The following GFI1 variants were observed in gnomAD, a reference collection of about 807,000 sequenced individuals.
GFI1 encodes the protein growth factor independent 1 transcriptional repressor, also known as zinc finger protein Gfi-1.
Under a neutral mutation model 39.2 loss-of-function variants are expected in GFI1, and 15 were observed. That is an observed-to-expected ratio of 0.38 (90% CI 0.26 to 0.59). GFI1 has a LOEUF of 0.59. Ranked by LOEUF, GFI1 falls within the 20% of genes least tolerant of loss-of-function variation. The probability of loss-of-function intolerance (pLI) is 0.62; values close to 1 mark genes in which losing one functional copy is unlikely to be tolerated. For synonymous variants in GFI1, 239 were observed against 254.3 expected, an observed-to-expected ratio of 0.94 and a Z score of 0.57; for missense variants, 475 against 574.0, an observed-to-expected ratio of 0.83 and a Z score of 1.76.
chr1:92,482,819 G>C lies in GFI1; in HGVS notation c.298+45C>G. The C allele has an allele frequency of 6.7e-7, 1 of 1,503,710 alleles. No individual in the cohort carries two copies. Among genetic ancestry groups the C allele is most frequent in the Non-Finnish European group, 9.3e-7 (1 of 1,080,102 alleles). The allele number at this position is 1,503,710 out of a possible 1,614,324, so 93.1% of individuals were successfully genotyped here. A position where few individuals can be genotyped will look rare whatever the true frequency, so the allele number is the denominator to read the frequency against. ...GCGCCAATTCCCCCCCAGCACTGCC[G>C]GGTCCCTGCAGCTCCCGCCCAAGAG... On this transcript the variant is annotated intron_variant, in intron 3 of 6. Coordinates refer to ENST00000294702, the MANE Select transcript of GFI1 (RefSeq NM_005263.5). The surrounding 1 kb of genome is among the most constrained non-coding windows in gnomAD (Gnocchi z 4.4).
chr1:92,473,441 T>C lies in GFI1; in HGVS notation c.*2588A>G, dbSNP rs956697717. ...TTGTCATTTTCATTCACTGGGAGGATTGTCTCCCAGGACACTAGGAAGTGG... is the reference window on the plus strand; with the variant it reads ...TTGTCATTTTCATTCACTGGGAGGACTGTCTCCCAGGACACTAGGAAGTGG... On this transcript the variant is annotated 3_prime_UTR_variant, in exon 7 of 7. Transcript: ENST00000294702. Among the ~76,000 whole-genome samples the C allele has an allele frequency of 6.6e-6, 1 of 152,162 alleles. No individual in the cohort carries two copies. The highest frequency in any genetic ancestry group is 6.5e-5 in the Admixed American group (1 of 15,274).
chr1:92,479,397 G>GAGAT (rs1186832238), intron 5 of GFI1, among the ~76,000 whole-genome samples: 1 of 152,162 alleles, frequency 6.6e-6, no homozygotes, highest in African/African-American at 2.4e-5. Flanking sequence ...GCATTCTCCT[G>GAGAT]AGATAGCTAT....
rs984433112 is a variant in GFI1 at position 92,480,163 on chromosome 1, C to T, written c.924+185G>A. Among the ~76,000 whole-genome samples, 1 of 152,076 alleles carries T rather than the reference C, an allele frequency of 6.6e-6. No individual in the cohort carries two copies. Among genetic ancestry groups the T allele is most frequent in the African/African-American group, 2.4e-5 (1 of 41,412 alleles). ...ATCCAGGGCTGCCTCAAGGCCTGAGCCGGCCACAATCCTCCTTTCCCTACA... is the reference window on the plus strand; with the variant it reads ...ATCCAGGGCTGCCTCAAGGCCTGAGTCGGCCACAATCCTCCTTTCCCTACA... On this transcript the variant is annotated intron_variant, in intron 5 of 6. Transcript: ENST00000294702. This position sits in a 1 kb window ranked among gnomAD's most constrained non-coding sequence, Gnocchi z 5.6.
Position 92,475,956 on chromosome 1 carries a change from G to A in GFI1, c.*73C>T. The A allele has an allele frequency of 7.2e-7, 1 of 1,386,886 alleles. No homozygotes were observed. The highest frequency in any genetic ancestry group is 1.0e-6 in the Non-Finnish European group (1 of 986,932). 85.9% of individuals were successfully genotyped at this position (1,386,886 alleles called of 1,614,324 possible). ...AGAAGGGAGTGGAGGCAAGCAGGGA[G>A]CAGAGTGGTGGCAAGCAGGGAGGCT... On this transcript the variant is annotated 3_prime_UTR_variant, in exon 7 of 7. Coordinates refer to ENST00000294702, the MANE Select transcript of GFI1 (RefSeq NM_005263.5).
chr1:92,476,880 T>C (rs1658006083), intron 6 of GFI1, among the ~76,000 whole-genome samples: 1 of 152,232 alleles, frequency 6.6e-6, no homozygotes, highest in Non-Finnish European at 1.5e-5. Context: ...GCTGATACTT[T>C]ACTGTCTTGA....
rs762901224 is a variant in GFI1 at position 92,480,971 on chromosome 1, T to C, written c.416A>G (p.Tyr139Cys). The C allele has an allele frequency of 1.2e-6, 2 of 1,601,724 alleles. No homozygotes were observed. The highest frequency in any genetic ancestry group is 8.5e-7 in the Non-Finnish European group (1 of 1,174,886). The change falls in exon 4 of 7, where the codon TAC becomes TGC. Residue 139 changes from tyrosine (Y) to cysteine (C), a missense_variant. Tyr to Cys is a radical substitution (Grantham distance 194). Coordinates refer to ENST00000294702, the MANE Select transcript of GFI1 (RefSeq NM_005263.5). The surrounding 1 kb of genome is among the most constrained non-coding windows in gnomAD (Gnocchi z 5.6). Reference protein sequence around the residue: ...GSDLRHLVQSYRPCGALERGA... With the variant: ...GSDLRHLVQSCRPCGALERGA... ...ACGCTCCAGGGCCCCACACGGTCGG[T>C]AGCTCTGCACCAGGTGCCGCAGGTC...
Position 92,481,680 on chromosome 1 carries a change from G to A in GFI1, c.299-592C>T, listed in dbSNP as rs1658262340. Reference sequence around the variant, plus strand: ...GTATTAAGATTTCACGAAGTTAAGTGCCCAGTGTACGTAGCAAAGGAGCAG... The same window carrying A: ...GTATTAAGATTTCACGAAGTTAAGTACCCAGTGTACGTAGCAAAGGAGCAG... On this transcript the variant is annotated intron_variant, in intron 3 of 6. Coordinates refer to ENST00000294702, the MANE Select transcript of GFI1 (RefSeq NM_005263.5). This position sits in a 1 kb window ranked among gnomAD's most constrained non-coding sequence, Gnocchi z 4.3. Among the ~76,000 whole-genome samples the A allele has an allele frequency of 6.6e-6, 1 of 152,172 alleles. No homozygotes were observed. The highest frequency in any genetic ancestry group is 6.5e-5 in the Admixed American group (1 of 15,286).
At position 92,480,564 on chromosome 1, in the gene GFI1, C is replaced by T. The variant is rs557172855; in HGVS notation, c.786+37G>A. ...GCGAGGCGCGGGTAGGGGAAGCGGG[C>T]GCACGGCAGGCGAGGTGGTGAGCTC... On this transcript the variant is annotated intron_variant, in intron 4 of 6. Transcript: ENST00000294702. The surrounding 1 kb of genome is among the most constrained non-coding windows in gnomAD (Gnocchi z 5.6). The T allele has an allele frequency of 1.3e-4, 201 of 1,541,350 alleles. 2 individuals are homozygous for T. The African/African-American group carries it at 2.4e-3, about 19-fold the overall frequency.
rs760413467 is a variant in GFI1 at position 92,483,370 on chromosome 1, C to T, written c.115+3G>A. 1.3e-6 allele frequency: 2 copies of T among 1,577,088 alleles called. No individual in the cohort carries two copies. The highest frequency in any genetic ancestry group is 1.7e-6 in the Non-Finnish European group (2 of 1,147,892). On this transcript the variant is annotated splice_donor_region_variant and intron_variant, in intron 2 of 6. Coordinates refer to ENST00000294702, the MANE Select transcript of GFI1 (RefSeq NM_005263.5). ...CCCCGCCTGGCCCGCGCGCGCCTCG[C>T]ACCTGCTCGGCTAGGCGCCGGTACA...
In GFI1 at chr1:92,478,515, G is replaced by T. The variant is rs1571212840; in HGVS notation, c.1090+73C>A. On this transcript the variant is annotated intron_variant, in intron 6 of 6. Transcript: ENST00000294702. ...AAGGCCTCATCCACCACTCACTGGG[G>T]CCAGAAATCAGAGAAGATGAGTAAT... 5 of 1,329,210 alleles carry T rather than the reference G, an allele frequency of 3.8e-6. No individual in the cohort carries two copies. The East Asian group carries it at 9.2e-5, about 24-fold the overall frequency. 82.3% of individuals were successfully genotyped at this position (1,329,210 alleles called of 1,614,324 possible).
Position 92,483,472 on chromosome 1 carries a change from G to A in GFI1, c.16C>T (p.Leu6Phe). 6.2e-7 allele frequency: 1 copy of A among 1,608,286 alleles called. No individual in the cohort carries two copies. The highest frequency in any genetic ancestry group is 8.5e-7 in the Non-Finnish European group (1 of 1,175,224). ...CTGTGAGCCTTCTTGCTTTTGACGA[G>A]AAATGAGCGCGGCATGGTGGTCCGG... MPRSF[L>F]VKSKKAHSYH... The change falls in exon 2 of 7, where the codon CTC (leucine) becomes TTC (phenylalanine). Residue 6 changes from leucine to phenylalanine, a missense_variant. Around this residue, in one of 4 missense-constraint regions of GFI1, gnomAD observed 275 missense variants for 275.8 expected, o/e 1.00. Coordinates refer to ENST00000294702, the MANE Select transcript of GFI1 (RefSeq NM_005263.5).
intron 2 of GFI1, 152 bp downstream of exon 2, chr1:92,483,221 G>A (rs1658364672): frequency 5.5e-6 from 4 of 728,410 alleles, no homozygotes; most frequent in Non-Finnish European, 4.6e-6. Context: ...TGGCACCTAG[G>A]AGACAAACCC....
Position 92,483,389 on chromosome 1 carries a change from C to G in GFI1, c.99G>C (p.Pro33=), listed in dbSNP as rs758263613. 2.7e-5 allele frequency: 44 copies of G among 1,607,008 alleles called. 1 individual carries two copies. Among genetic ancestry groups the G allele is most frequent in the Non-Finnish European group, 3.7e-5 (44 of 1,174,072 alleles). The change falls in exon 2 of 7, where the codon CCG becomes CCC. Residue 33 remains proline (P), a synonymous_variant. Coordinates refer to ENST00000294702, the MANE Select transcript of GFI1 (RefSeq NM_005263.5). ...GCCTCGCACCTGCTCGGCTAGGCGCCGGTACATTCTCTAAACGGAGGGAAT... is the reference window on the plus strand; with the variant it reads ...GCCTCGCACCTGCTCGGCTAGGCGCGGGTACATTCTCTAAACGGAGGGAAT... The part of the protein sequence containing the change: ...PDYSLRLENV[P]APSRADSTSN...
Position 92,482,006 on chromosome 1 carries a change from G to A in GFI1, c.298+858C>T, listed in dbSNP as rs1200725969. The stretch of plus-strand genomic sequence containing the variant: ...ACTTCAGTGAGAGGCTGTACCCGGA[G>A]TTTCGTTCGGAGGGGTTCGGGGCGC... On this transcript the variant is annotated intron_variant, in intron 3 of 6. Coordinates refer to ENST00000294702, the MANE Select transcript of GFI1 (RefSeq NM_005263.5). The surrounding 1 kb of genome is among the most constrained non-coding windows in gnomAD (Gnocchi z 4.4). Among the ~76,000 whole-genome samples, 1 of 151,892 alleles carries A rather than the reference G, an allele frequency of 6.6e-6. No homozygotes were observed. Among genetic ancestry groups the A allele is most frequent in the Non-Finnish European group, 1.5e-5 (1 of 68,020 alleles).
chr1:92,483,349 G>T (rs749600503), intron 2 of GFI1, 24 bp downstream of exon 2: 5 of 1,353,660 alleles, frequency 3.7e-6, no homozygotes, highest in African/African-American at 1.7e-5. Context: ...GAGCAGCCCC[G>T]CCTGGCCCGC....
intron 5 of GFI1, among the ~76,000 whole-genome samples, chr1:92,479,955 T>A (rs563590863): frequency 6.6e-6 from 1 of 152,194 alleles, no homozygotes; most frequent in Admixed American, 6.5e-5. Flanking sequence ...ATTCCTGCCT[T>A]TTCAGTCGAG....
intron 6 of GFI1, among the ~76,000 whole-genome samples, chr1:92,477,727 GA>G (rs150192876): frequency 0.021 from 3,242 of 152,238 alleles, 124 homozygotes; most frequent in African/African-American, 0.073. Flanking sequence ...GTGGCAATAA[GA>G]ATCAAATGAA....
At position 92,482,373 on chromosome 1, in the gene GFI1, C is replaced by T. The variant is rs532268313; in HGVS notation, c.298+491G>A. 3.4e-4 allele frequency among the ~76,000 whole-genome samples: 51 copies of T among 151,968 alleles called. No individual in the cohort carries two copies. Among genetic ancestry groups the T allele is most frequent in the Admixed American group, 1.6e-3 (24 of 15,256 alleles). On this transcript the variant is annotated intron_variant, in intron 3 of 6. Transcript: ENST00000294702. This position sits in a 1 kb window ranked among gnomAD's most constrained non-coding sequence, Gnocchi z 4.4. ...CCGGCAAAACGAAAAATGAAACAGG[C>T]CCCCAATCTGCGCCTGTGAAGACCA...
At position 92,480,263 on chromosome 1, in the gene GFI1, C is replaced by T; in HGVS notation, c.924+85G>A. 2 of 1,439,454 alleles carry T rather than the reference C, an allele frequency of 1.4e-6. No individual in the cohort carries two copies. The highest frequency in any genetic ancestry group is 1.9e-6 in the Non-Finnish European group (2 of 1,059,974). The allele number at this position is 1,439,454 out of a possible 1,614,324, so 89.2% of individuals were successfully genotyped here. On this transcript the variant is annotated intron_variant, in intron 5 of 6. Transcript: ENST00000294702. The surrounding 1 kb of genome is among the most constrained non-coding windows in gnomAD (Gnocchi z 5.6). ...TGGGGGAAGTCGAGGAGAAAACTTC[C>T]AGGCAGAGAGTGGCTGGTGCTGCAC... is the stretch of plus-strand genomic sequence containing the variant.
Sources: gnomAD v4.1 joint callset for allele counts (sites outside exome capture counted in the v4.1 genomes callset) on GRCh38, gnomAD v4.1.1 for gene constraint, gnomAD v4.1.1 regional missense constraint, Gnocchi (gnomAD v3.1) non-coding constraint, MANE v1.5 for transcripts, NCBI Gene and HGNC (gene_info 2026-07-23, HGNC 2026-07-21) for gene names.